The following ACYP2 variants were observed in gnomAD, a reference collection of about 807,000 sequenced individuals.
ACYP2 encodes the protein acylphosphatase 2.
Under a neutral mutation model 11.2 loss-of-function variants are expected in ACYP2, and 12 were observed. The ratio of observed to expected loss-of-function variants is 1.08; its 90% CI spans 0.69 to 1.74. The LOEUF (loss-of-function observed/expected upper bound fraction) is 1.74. ACYP2 is among the 40% of genes most tolerant of loss of function. ACYP2 has a pLI of 0.00. For synonymous variants in ACYP2, 43 were observed against 32.2 expected (o/e 1.33, Z -1.13); for missense variants, 134 against 101.9 (o/e 1.31, Z -1.35).
At chr2:54,281,702 C>T (rs1688856642) in intron 6 of ACYP2, among the ~76,000 whole-genome samples, 1 of 152,180 alleles carries the variant, frequency 6.6e-6, no homozygotes, top group South Asian at 2.1e-4. Flanking sequence ...CAGAGTGTTA[C>T]AACTCCTGGT....
intron 6 of ACYP2, among the ~76,000 whole-genome samples, chr2:54,211,852 G>T (rs1439986922): frequency 6.6e-6 from 1 of 152,128 alleles, no homozygotes; most frequent in East Asian, 1.9e-4. Flanking sequence ...GCTTGAAAGT[G>T]CAAATAGAGC....
chr2:54,136,447 G>T (rs548800296), intron 5 of ACYP2, among the ~76,000 whole-genome samples: 4 of 152,090 alleles, frequency 2.6e-5, no homozygotes, highest in Admixed American at 2.6e-4. Context: ...ACTCCTGAGG[G>T]TTCCAATATT....
At chr2:54,170,400 G>T (rs1442259138) in intron 6 of ACYP2, among the ~76,000 whole-genome samples, 1 of 152,102 alleles carries the variant, frequency 6.6e-6, no homozygotes, top group East Asian at 1.9e-4. Flanking sequence ...CAGTCTGCCT[G>T]CCTCCGCCTC....
intron 4 of ACYP2, among the ~76,000 whole-genome samples, chr2:54,084,196 A>G (rs566344068): frequency 1.1e-3 from 166 of 152,342 alleles, no homozygotes; most frequent in African/African-American, 3.8e-3. Context: ...AATGGTTTAT[A>G]TATCAGAATT....
chr2:54,257,920 T>C (rs1397046305), intron 6 of ACYP2, among the ~76,000 whole-genome samples: 2 of 152,226 alleles, frequency 1.3e-5, no homozygotes, highest in Non-Finnish European at 2.9e-5. Flanking sequence ...AGCATGAGGT[T>C]CAAATGATTT....
At chr2:54,177,641 G>A (rs1406404641) in intron 6 of ACYP2, among the ~76,000 whole-genome samples, 5 of 148,718 alleles carry the variant, frequency 3.4e-5, no homozygotes, top group Non-Finnish European at 7.4e-5. Context: ...GTAGTGGCAC[G>A]ATCTCGGCTC....
At chr2:54,237,160 G>C (rs1334170539) in intron 6 of ACYP2, among the ~76,000 whole-genome samples, 1 of 152,112 alleles carries the variant, frequency 6.6e-6, no homozygotes, top group African/African-American at 2.4e-5. Context: ...TTATGTCAGG[G>C]ACTTGACTAT....
intron 6 of ACYP2, among the ~76,000 whole-genome samples, chr2:54,227,408 A>G (rs545748483): frequency 2.6e-5 from 4 of 152,244 alleles, no homozygotes; most frequent in Non-Finnish European, 5.9e-5. Context: ...TGGGAGGTCA[A>G]TGTGGGCAGA....
intron 2 of ACYP2, among the ~76,000 whole-genome samples, chr2:54,045,938 A>G (rs752063123): frequency 3.3e-5 from 5 of 152,256 alleles, no homozygotes; most frequent in Non-Finnish European, 4.4e-5. Flanking sequence ...TGGGAGGCCA[A>G]GGTGGGTAGA....
intron 4 of ACYP2, among the ~76,000 whole-genome samples, chr2:54,116,702 C>G (rs971696898): frequency 6.6e-6 from 1 of 152,092 alleles, no homozygotes; most frequent in East Asian, 1.9e-4. Context: ...AATTTTACCT[C>G]TATAGAAGGG....
chr2:54,172,860 C>T (rs570109936), intron 6 of ACYP2, among the ~76,000 whole-genome samples: 9 of 152,212 alleles, frequency 5.9e-5, no homozygotes, highest in East Asian at 3.9e-4. Context: ...TCCATGTCCC[C>T]GCAGAGAACA....
chr2:54,150,739 C>CTTTTT (rs11295809), intron 6 of ACYP2, among the ~76,000 whole-genome samples: 5 of 137,372 alleles, frequency 3.6e-5, no homozygotes, highest in African/African-American at 5.7e-5. Context: ...GCGTTTCTTT[C>CTTTTT]TTTTTTTTTT....
chr2:54,038,471 G>A (rs1675029814), intron 2 of ACYP2, among the ~76,000 whole-genome samples: 1 of 151,670 alleles, frequency 6.6e-6, no homozygotes, highest in Admixed American at 6.6e-5. Flanking sequence ...AGTGCGTGGT[G>A]CTATTCTAAG....
intron 2 of ACYP2, among the ~76,000 whole-genome samples, chr2:54,028,414 G>T (rs1451596035): frequency 6.6e-6 from 1 of 152,000 alleles, no homozygotes; most frequent in Non-Finnish European, 1.5e-5. Context: ...TGACTTTCCC[G>T]GCAATTCCCC....
intron 6 of ACYP2, among the ~76,000 whole-genome samples, chr2:54,219,881 G>GTGTGTGTGTATA (rs1222539416): frequency 3.0e-5 from 3 of 99,480 alleles, no homozygotes; most frequent in Admixed American, 1.2e-4. Context: ...GTGTGTGTGT[G>GTGTGTGTGTATA]TATATATATA....
chr2:54,036,161 C>A (rs1674889420), intron 2 of ACYP2, among the ~76,000 whole-genome samples: 1 of 152,172 alleles, frequency 6.6e-6, no homozygotes, highest in African/African-American at 2.4e-5. Context: ...GTGGCATGAT[C>A]TTGGCTCACT....
At chr2:54,248,555 C>T (rs1331708756) in intron 6 of ACYP2, among the ~76,000 whole-genome samples, 2 of 152,006 alleles carry the variant, frequency 1.3e-5, no homozygotes, top group East Asian at 3.9e-4. Flanking sequence ...AGGAAGCCTT[C>T]CCTAAACTTC....
chr2:54,090,371 C>T (rs537952736), intron 4 of ACYP2, among the ~76,000 whole-genome samples: 1 of 152,072 alleles, frequency 6.6e-6, no homozygotes, highest in Non-Finnish European at 1.5e-5. Context: ...TGGCTCATGC[C>T]TGTAATCCCA....
chr2:54,048,168 G>C (rs752011224), intron 2 of ACYP2, among the ~76,000 whole-genome samples: 1 of 152,138 alleles, frequency 6.6e-6, no homozygotes, highest in East Asian at 1.9e-4. Flanking sequence ...GCTCATGTCT[G>C]TAATCCCAGC....
Sources: gnomAD v4.1 joint callset for allele counts (sites outside exome capture counted in the v4.1 genomes callset) on GRCh38, gnomAD v4.1.1 for gene constraint, MANE v1.5 for transcripts, NCBI Gene and HGNC (gene_info 2026-07-23, HGNC 2026-07-21) for gene names.